The following TCF12 variants were observed in gnomAD, a reference collection of about 807,000 sequenced individuals.
TCF12 encodes transcription factor 12.
In TCF12, 45 loss-of-function variants were observed where a neutral mutation model predicts 86.0. The ratio of observed to expected loss-of-function variants is 0.52; its 90% CI spans 0.41 to 0.67. The LOEUF is 0.67. Among genes scored for constraint, TCF12 ranks in the 30% least tolerant of loss-of-function variants. TCF12 has a pLI of 0.00. For synonymous variants in TCF12, 330 were observed against 299.6 expected, an observed-to-expected ratio of 1.10 and a Z score of -1.05; for missense variants, 881 against 859.9, an observed-to-expected ratio of 1.02 and a Z score of -0.31.
intron 3 of TCF12, among the ~76,000 whole-genome samples, chr15:56,980,622 G>C (rs1452567734): frequency 6.6e-6 from 1 of 152,164 alleles, no homozygotes; most frequent in Non-Finnish European, 1.5e-5. Context: ...GCTGTTCATA[G>C]TCTTTATCTG....
At position 56,919,920 on chromosome 15, in the gene TCF12, C is replaced by T; in HGVS notation, c.7C>T (p.Pro3Ser). Residue 3 changes from proline (P) to serine (S), a missense_variant, in exon 2 of 21, where the codon CCC (proline) becomes TCC (serine). This residue lies in a region of TCF12 where 766 missense variants were observed against 718.9 expected (regional missense o/e 1.07). Transcript: ENST00000333725. ...CTGCTAGAAGTGGCCGAAGATGAAT[C>T]CCCAGCAACAACGCATGGCCGCTAT... MN[P>S]QQQRMAAIGT... 1 of 1,613,992 alleles carries T rather than the reference C, an allele frequency of 6.2e-7. No homozygotes were observed. Among genetic ancestry groups the T allele is most frequent in the Non-Finnish European group, 8.5e-7 (1 of 1,179,956 alleles).
intron 13 of TCF12, chr15:57,246,895 A>G (rs1257724508): frequency 3.6e-5 from 17 of 468,888 alleles, no homozygotes; most frequent in African/African-American, 2.8e-4. Context: ...AAAGTAACCT[A>G]CAGCTTTCCT....
intron 3 of TCF12, among the ~76,000 whole-genome samples, chr15:56,950,887 G>T (rs925285836): frequency 6.6e-6 from 1 of 151,298 alleles, no homozygotes; most frequent in Non-Finnish European, 1.5e-5. Flanking sequence ...CTCCCGAGTA[G>T]CTGGGATTAT....
intron 13 of TCF12, among the ~76,000 whole-genome samples, chr15:57,250,213 G>A (rs2152002478): frequency 6.6e-6 from 1 of 152,208 alleles, no homozygotes; most frequent in South Asian, 2.1e-4. Flanking sequence ...ATTCATCTGT[G>A]TATTGCTAAA....
chr15:57,013,272 A>G (rs1280381171), intron 3 of TCF12, among the ~76,000 whole-genome samples: 1 of 152,204 alleles, frequency 6.6e-6, no homozygotes, highest in African/African-American at 2.4e-5. Flanking sequence ...AGAATTTTGC[A>G]GTAAGAAAAT....
intron 5 of TCF12, among the ~76,000 whole-genome samples, chr15:57,113,085 G>C (rs1175202288): frequency 6.6e-6 from 1 of 152,154 alleles, no homozygotes; most frequent in Non-Finnish European, 1.5e-5. Context: ...GGCACTTGAA[G>C]ATCTTCATTT....
At chr15:57,051,477 C>T (rs532634680) in intron 3 of TCF12, among the ~76,000 whole-genome samples, 2 of 152,244 alleles carry the variant, frequency 1.3e-5, no homozygotes, top group Admixed American at 6.5e-5. Flanking sequence ...GCTGCCTTTT[C>T]TGCCTCCTCT....
intron 4 of TCF12, among the ~76,000 whole-genome samples, chr15:57,071,358 G>GA (rs1162736176): frequency 1.8e-4 from 26 of 146,120 alleles, no homozygotes; most frequent in African/African-American, 2.0e-4. Flanking sequence ...TTGTAGTGAA[G>GA]AAAAAAAAAA....
intron 5 of TCF12, among the ~76,000 whole-genome samples, chr15:57,137,665 G>T (rs982574919): frequency 6.6e-6 from 1 of 152,092 alleles, no homozygotes; most frequent in Non-Finnish European, 1.5e-5. Context: ...GTAATAATTT[G>T]CAAATGTTTT....
intron 8 of TCF12, among the ~76,000 whole-genome samples, chr15:57,199,411 T>C (rs1226030636): frequency 5.3e-5 from 8 of 152,182 alleles, no homozygotes; most frequent in Admixed American, 3.9e-4. Context: ...AAAGTTAAAT[T>C]ACACATTAAT....
At chr15:57,075,790 CTTTCTTTCTTTCTT>C (rs1300473086) in intron 4 of TCF12, among the ~76,000 whole-genome samples, 26 of 58,252 alleles carry the variant, frequency 4.5e-4, no homozygotes, top group African/African-American at 1.4e-3. Context: ...TTCTTTCTTT[CTTTCTTTCTTTCTT>C]TCTCTCTCTC....
At chr15:57,253,998 A>T (rs1281509601) in intron 16 of TCF12, among the ~76,000 whole-genome samples, 2 of 140,720 alleles carry the variant, frequency 1.4e-5, no homozygotes, top group Admixed American at 9.2e-5. Flanking sequence ...TCCATCTTTT[A>T]AAAAAGTATG....
chr15:57,180,966 C>T (rs1377977494), intron 6 of TCF12, among the ~76,000 whole-genome samples: 1 of 151,746 alleles, frequency 6.6e-6, no homozygotes, highest in Non-Finnish European at 1.5e-5. Flanking sequence ...AGGCACCCGC[C>T]ACCACGCCCG....
chr15:57,090,312 T>A (rs1243465624), intron 4 of TCF12, among the ~76,000 whole-genome samples: 1 of 152,220 alleles, frequency 6.6e-6, no homozygotes, highest in African/African-American at 2.4e-5. Context: ...GTCTACTAAA[T>A]GTGGCTGTAT....
chr15:57,267,850 C>T (rs538133194), intron 18 of TCF12, among the ~76,000 whole-genome samples: 2 of 152,268 alleles, frequency 1.3e-5, no homozygotes, highest in East Asian at 1.9e-4. Context: ...TGACTTTGGG[C>T]AAGTCTTTGA....
chr15:57,104,015 A>G (rs2049941627), intron 5 of TCF12, among the ~76,000 whole-genome samples: 1 of 152,172 alleles, frequency 6.6e-6, no homozygotes, highest in Non-Finnish European at 1.5e-5. Context: ...CTCAAAAACA[A>G]ACAAACAAAA....
At chr15:57,255,326 A>AT (rs760484818) in intron 16 of TCF12, among the ~76,000 whole-genome samples, 17 of 152,228 alleles carry the variant, frequency 1.1e-4, no homozygotes, top group Non-Finnish European at 1.9e-4. Context: ...AACCTAGTGC[A>AT]TTTTAGAAGA....
At chr15:57,177,104 T>A (rs1450579194) in intron 6 of TCF12, among the ~76,000 whole-genome samples, 6 of 152,090 alleles carry the variant, frequency 3.9e-5, no homozygotes, top group African/African-American at 1.4e-4. Context: ...AAAATGTTGT[T>A]TGAATCTGAA....
At chr15:56,951,455 G>A (rs138816369) in intron 3 of TCF12, among the ~76,000 whole-genome samples, 6 of 152,014 alleles carry the variant, frequency 3.9e-5, no homozygotes, top group East Asian at 3.9e-4. Flanking sequence ...AGTCCTTTAC[G>A]AGATACATGG....
Sources: gnomAD v4.1 joint callset for allele counts (sites outside exome capture counted in the v4.1 genomes callset) on GRCh38, gnomAD v4.1.1 for gene constraint, gnomAD v4.1.1 regional missense constraint, MANE v1.5 for transcripts, NCBI Gene and HGNC (gene_info 2026-07-23, HGNC 2026-07-21) for gene names.